The following DIAPH2 variants were observed in gnomAD, a reference collection of about 807,000 sequenced individuals.
DIAPH2 encodes the protein protein diaphanous homolog 2.
DIAPH2 carries 35 observed loss-of-function variants against 92.7 expected under a neutral mutation model. The observed-to-expected ratio is 0.38, with a 90% CI of 0.29 to 0.50. The LOEUF (loss-of-function observed/expected upper bound fraction) is 0.50. Ranked by LOEUF, DIAPH2 falls within the 20% of genes least tolerant of loss-of-function variation. The probability of loss-of-function intolerance (pLI) is 0.94; values close to 1 mark genes in which losing one functional copy is unlikely to be tolerated. For missense variants in DIAPH2, 701 were observed against 819.5 expected (o/e 0.86, Z 1.77); for synonymous variants, 301 against 280.4 (o/e 1.07, Z -0.73).
intron 4 of DIAPH2, among the ~76,000 whole-genome samples, chrX:96,773,857 C>T (rs908621911): frequency 1.8e-5 from 2 of 110,449 alleles, no homozygotes; most frequent in African/African-American, 6.6e-5. Flanking sequence ...AAAAAACAAA[C>T]AAACAAAACA....
chrX:96,903,245 C>T (rs1487078659), intron 5 of DIAPH2, among the ~76,000 whole-genome samples: 1 of 111,600 alleles, frequency 9.0e-6, no homozygotes, highest in Non-Finnish European at 1.9e-5. Context: ...GCTAATGCCT[C>T]TATGTTTCTT....
intron 10 of DIAPH2, among the ~76,000 whole-genome samples, chrX:96,936,313 T>C (rs996528172): frequency 2.7e-5 from 3 of 111,365 alleles, no homozygotes; most frequent in Non-Finnish European, 5.7e-5. Context: ...AAACAAGAAA[T>C]GTATCCCATT....
At chrX:96,968,549 A>G (rs2065908123) in intron 17 of DIAPH2, among the ~76,000 whole-genome samples, 1 of 111,389 alleles carries the variant, frequency 9.0e-6, no homozygotes, top group Non-Finnish European at 1.9e-5. Flanking sequence ...GTGTCTGTTC[A>G]TGTTCTTTGC....
intron 24 of DIAPH2, among the ~76,000 whole-genome samples, chrX:97,373,650 C>T (rs1201227231): frequency 1.0e-5 from 1 of 99,166 alleles, no homozygotes; most frequent in Non-Finnish European, 2.0e-5. Context: ...TCTTGTTGCC[C>T]AGGCTGGAGT....
intron 4 of DIAPH2, among the ~76,000 whole-genome samples, chrX:96,769,264 G>A (rs2064323098): frequency 8.9e-6 from 1 of 112,033 alleles, no homozygotes; most frequent in Admixed American, 9.5e-5. Context: ...AGTCAGGGAC[G>A]AGACCGAGTT....
At chrX:97,176,655 G>T (rs1462234511) in intron 22 of DIAPH2, among the ~76,000 whole-genome samples, 1 of 111,024 alleles carries the variant, frequency 9.0e-6, no homozygotes, top group Non-Finnish European at 1.9e-5. Context: ...AGCCTCCCGA[G>T]TAGCTGGGAC....
chrX:97,573,390 T>C (rs945194761), intron 26 of DIAPH2, among the ~76,000 whole-genome samples: 3 of 111,370 alleles, frequency 2.7e-5, no homozygotes, highest in African/African-American at 9.8e-5. Context: ...TGTATGTTGG[T>C]GCCCTATCCC....
chrX:97,465,315 T>C (rs899686392), intron 26 of DIAPH2, among the ~76,000 whole-genome samples: 2 of 110,623 alleles, frequency 1.8e-5, no homozygotes, highest in Admixed American at 9.6e-5. Context: ...TTATCTATAT[T>C]ATACTGAATA....
At position 97,594,677 on chromosome X, in the gene DIAPH2, A is replaced by G. The variant is rs770522846; in HGVS notation, c.3242-4576A>G. Reference sequence around the variant, plus strand: ...AAGGGCTTTGGAGAAAGCAAAGCTCATTGTAAATTACAGAGGGTTTCTTTT... The same window carrying G: ...AAGGGCTTTGGAGAAAGCAAAGCTCGTTGTAAATTACAGAGGGTTTCTTTT... On this transcript the variant is annotated intron_variant, in intron 26 of 26. Transcript: ENST00000324765. 5.5e-4 allele frequency among the ~76,000 whole-genome samples: 62 copies of G among 112,978 alleles called. No homozygotes were observed. The Middle Eastern group carries it at 0.014, about 25-fold the overall frequency.
At chrX:97,583,412 G>C (rs1335284126) in intron 26 of DIAPH2, among the ~76,000 whole-genome samples, 1 of 110,089 alleles carries the variant, frequency 9.1e-6, no homozygotes, top group East Asian at 2.9e-4. Flanking sequence ...CTCAGCTGCA[G>C]GTCTGTTGGA....
intron 23 of DIAPH2, among the ~76,000 whole-genome samples, chrX:97,273,395 A>G (rs1408939845): frequency 8.9e-6 from 1 of 111,964 alleles, no homozygotes; most frequent in Admixed American, 9.5e-5. Context: ...ACCTACATTT[A>G]CTGAATGCAA....
At chrX:97,346,688 C>T (rs1255964584) in intron 23 of DIAPH2, among the ~76,000 whole-genome samples, 1 of 111,301 alleles carries the variant, frequency 9.0e-6, no homozygotes, top group Non-Finnish European at 1.9e-5. Context: ...GAAATATAAT[C>T]AGGCAAAGGG....
At chrX:97,267,371 A>G (rs928411860) in intron 23 of DIAPH2, among the ~76,000 whole-genome samples, 1 of 111,924 alleles carries the variant, frequency 8.9e-6, no homozygotes, top group African/African-American at 3.3e-5. Flanking sequence ...ATCCATTAAA[A>G]TGTGTCTTTT....
intron 22 of DIAPH2, among the ~76,000 whole-genome samples, chrX:97,167,801 A>G (rs2067422702): frequency 9.0e-6 from 1 of 111,496 alleles, no homozygotes; most frequent in Admixed American, 9.6e-5. Context: ...GTGGTTTAAG[A>G]TGGTGTCTCA....
chrX:97,199,375 C>T lies in DIAPH2; in HGVS notation c.2720-48340C>T, dbSNP rs1008224572. ...GAATATGTGTATACATGCATATGTA[C>T]ATGTACACATGTATATGTATATGTG... On this transcript the variant is annotated intron_variant, in intron 22 of 26. Coordinates refer to ENST00000324765, the MANE Select transcript of DIAPH2 (RefSeq NM_006729.5). Among the ~76,000 whole-genome samples, 8 of 110,774 alleles carry T rather than the reference C, an allele frequency of 7.2e-5. No individual in the cohort carries two copies. The Admixed American group carries it at 7.7e-4, about 11-fold the overall frequency.
intron 4 of DIAPH2, among the ~76,000 whole-genome samples, chrX:96,846,770 T>G (rs768063030): frequency 7.2e-5 from 8 of 110,473 alleles, no homozygotes; most frequent in African/African-American, 9.8e-5. Flanking sequence ...AAATAGTTTT[T>G]TTTTTTTTTT....
At chrX:97,268,718 A>G (rs1278616165) in intron 23 of DIAPH2, among the ~76,000 whole-genome samples, 1 of 112,084 alleles carries the variant, frequency 8.9e-6, no homozygotes, top group Non-Finnish European at 1.9e-5. Flanking sequence ...AAATCAATGC[A>G]GTAAATACTG....
At chrX:97,185,471 ACAC>A (rs2067590169) in intron 22 of DIAPH2, among the ~76,000 whole-genome samples, 1 of 24,716 alleles carries the variant, frequency 4.0e-5, no homozygotes, top group Middle Eastern at 0.028. Flanking sequence ...ATATATATAT[ACAC>A]ATATATATAT....
At chrX:97,186,943 A>G (rs2067609552) in intron 22 of DIAPH2, among the ~76,000 whole-genome samples, 1 of 112,058 alleles carries the variant, frequency 8.9e-6, no homozygotes, top group Non-Finnish European at 1.9e-5. Flanking sequence ...ATAGTACAAG[A>G]AAAGTTATGT....
Sources: gnomAD v4.1 joint callset for allele counts (sites outside exome capture counted in the v4.1 genomes callset) on GRCh38, gnomAD v4.1.1 for gene constraint, MANE v1.5 for transcripts, NCBI Gene and HGNC (gene_info 2026-07-23, HGNC 2026-07-21) for gene names.